RGS3: variants seen among roughly 807,000 people sequenced by gnomAD.
RGS3 encodes the protein regulator of G-protein signalling 3.
In RGS3, 80 loss-of-function variants were observed where a neutral mutation model predicts 132.6. That is an observed-to-expected ratio of 0.60 (90% CI 0.50 to 0.73). The LOEUF (loss-of-function observed/expected upper bound fraction) is 0.73, where lower values mean the gene tolerates loss of function less well. Ranked by LOEUF, RGS3 falls within the 30% of genes least tolerant of loss-of-function variation. RGS3 has a pLI of 0.00. For missense variants in RGS3, 1,382 were observed against 1,530.8 expected (o/e 0.90, Z 1.62); for synonymous variants, 598 against 620.6 (o/e 0.96, Z 0.54).
chr9:113,506,283 AG>A lies in RGS3; in HGVS notation c.980-102del. 1.5e-6 allele frequency: 1 copy of A among 657,516 alleles called. No homozygotes were observed. Among genetic ancestry groups the A allele is most frequent in the South Asian group, 1.9e-5 (1 of 54,028 alleles). 40.7% of individuals were successfully genotyped at this position (657,516 alleles called of 1,614,324 possible). The stretch of plus-strand genomic sequence containing the variant: ...CACGGATGAAGAAACTTAGAGAAAA[AG>A]GGAGGTCCTTGTCTGAGGTCACCAT... On this transcript the variant is annotated intron_variant, in intron 11 of 24. Transcript: ENST00000350696. The surrounding 1 kb of genome is among the most constrained non-coding windows in gnomAD (Gnocchi z 4.7).
chr9:113,564,233 G>A (rs560531580), intron 19 of RGS3, among the ~76,000 whole-genome samples: 10 of 152,354 alleles, frequency 6.6e-5, no homozygotes, highest in African/African-American at 2.4e-4. Context: ...CTATGTGACT[G>A]TGGGCAACTT....
intron 19 of RGS3, among the ~76,000 whole-genome samples, chr9:113,542,695 T>C (rs1404877671): frequency 6.6e-6 from 1 of 152,174 alleles, no homozygotes; most frequent in Non-Finnish European, 1.5e-5. Flanking sequence ...GGGGCAGTGC[T>C]GAGTTCTAGG....
exon 22 of RGS3, chr9:113,594,445 G>A (rs1003384255): frequency 6.2e-7 from 1 of 1,613,800 alleles, no homozygotes; most frequent in Non-Finnish European, 8.5e-7. Context: ...AGGACATGAA[G>A]AACAAGCTGG....
At chr9:113,551,900 C>G (rs1485800553) in intron 19 of RGS3, among the ~76,000 whole-genome samples, 1 of 152,154 alleles carries the variant, frequency 6.6e-6, no homozygotes, top group Non-Finnish European at 1.5e-5. Flanking sequence ...CTGTAGCATT[C>G]TACTTTCCTA....
chr9:113,472,096 T>C (rs147575529), intron 3 of RGS3, among the ~76,000 whole-genome samples: 3,675 of 152,144 alleles, frequency 0.024, 95 homozygotes, highest in Non-Finnish European at 0.033. Flanking sequence ...AGAATGACTA[T>C]AATAAAAAAA....
chr9:113,583,394 C>T (rs763729462), intron 19 of RGS3, 56 bp from the exon 18 acceptor site: 13 of 1,583,938 alleles, frequency 8.2e-6, no homozygotes, highest in Non-Finnish European at 1.1e-5. Flanking sequence ...TGCATGGTGT[C>T]TGGCATCTTG....
At chr9:113,585,260 A>G (rs1221371481) in intron 20 of RGS3, among the ~76,000 whole-genome samples, 1 of 152,196 alleles carries the variant, frequency 6.6e-6, no homozygotes, top group Admixed American at 6.5e-5. Flanking sequence ...TCTGTTTCTT[A>G]CTATGTGGCT....
upstream of RGS3, among the ~76,000 whole-genome samples, chr9:113,459,877 A>C (rs1829435979): frequency 6.6e-6 from 1 of 152,026 alleles, no homozygotes; most frequent in Non-Finnish European, 1.5e-5. Context: ...CCTTTCTACT[A>C]AAAATACAAA....
At chr9:113,596,808 A>C (rs1315101849) in exon 25 of RGS3, 2 of 1,613,352 alleles carry the variant, frequency 1.2e-6, no homozygotes, top group South Asian at 1.1e-5. Context: ...ACCAAGGACA[A>C]CCTGCAGAGC....
At chr9:113,572,208 T>C (rs1262905857) in intron 19 of RGS3, among the ~76,000 whole-genome samples, 2 of 152,092 alleles carry the variant, frequency 1.3e-5, no homozygotes, top group East Asian at 3.9e-4. Flanking sequence ...GATGGGACTT[T>C]ATCCTAGAGG....
chr9:113,465,853 G>C (rs1829622914), intron 3 of RGS3, among the ~76,000 whole-genome samples: 1 of 152,198 alleles, frequency 6.6e-6, no homozygotes. Flanking sequence ...GCTTATGAGA[G>C]CATTTGAGAA....
intron 1 of RGS3, among the ~76,000 whole-genome samples, chr9:113,451,047 G>A (rs1053830333): frequency 1.3e-4 from 20 of 152,050 alleles, no homozygotes; most frequent in African/African-American, 2.7e-4. Context: ...GCGTGGTGGC[G>A]TGTGCCTGTA....
At chr9:113,501,529 G>A (rs1260395586) in intron 10 of RGS3, 12 of 1,535,036 alleles carry the variant, frequency 7.8e-6, no homozygotes, top group Non-Finnish European at 1.0e-5. Context: ...CGCTGCTGGG[G>A]GAGAGCTGGG....
chr9:113,508,634 A>G (rs1360112659), intron 14 of RGS3, 54 bp downstream of exon 12: 1 of 1,591,018 alleles, frequency 6.3e-7, no homozygotes, highest in East Asian at 2.2e-5. Context: ...AGCAGGGGTC[A>G]GCTGAGGCCT....
chr9:113,583,832 C>G, exon 20 of RGS3: 2 of 1,614,010 alleles, frequency 1.2e-6, no homozygotes, highest in South Asian at 2.2e-5. Flanking sequence ...CAGGAATCCC[C>G]CACCCGGGAC....
intron 19 of RGS3, among the ~76,000 whole-genome samples, chr9:113,559,300 G>C (rs866792862): frequency 6.6e-6 from 1 of 152,242 alleles, no homozygotes; most frequent in Non-Finnish European, 1.5e-5. Context: ...CGAAGTCTCC[G>C]GCCAGCATGT....
chr9:113,462,886 GACTA>G (rs1829509076), intron 3 of RGS3, among the ~76,000 whole-genome samples: 1 of 152,162 alleles, frequency 6.6e-6, no homozygotes, highest in South Asian at 2.1e-4. Flanking sequence ...ATTTACACGA[GACTA>G]ACAGCTTTCC....
At chr9:113,532,004 G>A (rs534820127) in intron 18 of RGS3, among the ~76,000 whole-genome samples, 3 of 152,356 alleles carry the variant, frequency 2.0e-5, no homozygotes, top group Admixed American at 2.0e-4. Flanking sequence ...GGAGCTGGGT[G>A]TCTGGTTGGA....
intron 17 of RGS3, among the ~76,000 whole-genome samples, chr9:113,526,022 C>A (rs1402111782): frequency 6.6e-6 from 1 of 152,220 alleles, no homozygotes; most frequent in Admixed American, 6.5e-5. Flanking sequence ...AGAGCTGGCG[C>A]TAACAATTGG....
Sources: allele counts gnomAD v4.1 joint callset (sites outside exome capture counted in the v4.1 genomes callset), GRCh38; gene constraint gnomAD v4.1.1; non-coding constraint Gnocchi (gnomAD v3.1); transcripts MANE v1.5; gene names NCBI Gene and HGNC (gene_info 2026-07-23, HGNC 2026-07-21).